The following ATP10B variants were observed in gnomAD, a reference collection of about 807,000 sequenced individuals.
ATP10B encodes phospholipid-transporting ATPase VB.
Under a neutral mutation model 141.2 loss-of-function variants are expected in ATP10B, and 122 were observed. That is an observed-to-expected ratio of 0.86 (90% CI 0.75 to 1.00). ATP10B has a LOEUF of 1.00. Among genes scored for constraint, ATP10B ranks in the 50% least tolerant of loss-of-function variants. The pLI is 0.00. For missense variants in ATP10B, 1,876 were observed against 1,825.3 expected, an observed-to-expected ratio of 1.03 and a Z score of -0.51; for synonymous variants, 685 against 692.0, an observed-to-expected ratio of 0.99 and a Z score of 0.16.
chr5:160,590,975 G>T, intron 23 of ATP10B, 84 bp downstream of exon 23: 2 of 1,163,170 alleles, frequency 1.7e-6, no homozygotes, highest in Middle Eastern at 1.9e-4. Context: ...TGTCCAGAAG[G>T]ACACTACTGG....
chr5:160,679,701 C>G (rs1036139458), intron 6 of ATP10B, among the ~76,000 whole-genome samples: 5 of 152,222 alleles, frequency 3.3e-5, no homozygotes, highest in Non-Finnish European at 7.3e-5. Flanking sequence ...AATGCACACA[C>G]TAAGTCTTGA....
At chr5:160,627,509 G>C (rs937429674) in intron 13 of ATP10B, among the ~76,000 whole-genome samples, 1 of 152,182 alleles carries the variant, frequency 6.6e-6, no homozygotes, top group African/African-American at 2.4e-5. Flanking sequence ...AGGCCCTTCT[G>C]TTTGTTGTTG....
intron 2 of ATP10B, among the ~76,000 whole-genome samples, chr5:160,775,354 G>A (rs1295273001): frequency 6.6e-6 from 1 of 152,210 alleles, no homozygotes; most frequent in African/African-American, 2.4e-5. Flanking sequence ...CCCACTGCCT[G>A]ATTTTAATTT....
upstream of ATP10B, among the ~76,000 whole-genome samples, chr5:160,856,565 C>T (rs1754003365): frequency 1.3e-5 from 2 of 151,696 alleles, no homozygotes; most frequent in Admixed American, 1.3e-4. Context: ...TGAGAGTGAA[C>T]ATCATTGTCT....
rs190700951 is a variant in ATP10B at position 160,832,194 on chromosome 5, A to T, written c.-576+19747T>A. ...TTTTAAAATAAGCCAACACCTTCAA[A>T]CTGGCAATTTTACCTTCAGGAAATC... On this transcript the variant is annotated intron_variant, in intron 1 of 25. Transcript: ENST00000327245. Among the ~76,000 whole-genome samples, 909 of 152,246 alleles carry T rather than the reference A, an allele frequency of 6.0e-3. 10 individuals carry two copies. The highest frequency in any genetic ancestry group is 0.021 in the African/African-American group (865 of 41,554).
intron 3 of ATP10B, among the ~76,000 whole-genome samples, chr5:160,691,499 T>C (rs1764075089): frequency 6.6e-6 from 1 of 152,216 alleles, no homozygotes; most frequent in African/African-American, 2.4e-5. Context: ...AGATACATTT[T>C]ATAAAGTTAG....
At chr5:160,843,900 G>T (rs1044969562) in intron 1 of ATP10B, among the ~76,000 whole-genome samples, 2 of 151,630 alleles carry the variant, frequency 1.3e-5, no homozygotes, top group African/African-American at 4.8e-5. Flanking sequence ...ATACTTTTCT[G>T]TAATTTATTT....
At chr5:160,872,425 T>G in the ATP10B span, among the ~76,000 whole-genome samples, 1 of 152,222 alleles carries the variant, frequency 6.6e-6, no homozygotes, top group Non-Finnish European at 1.5e-5. Context: ...TATTTGCTTT[T>G]GGGTTCTTGA....
rs1366663758 is a variant in ATP10B at position 160,563,719 on chromosome 5, G to A, written c.*1734C>T. On this transcript the variant is annotated 3_prime_UTR_variant, in exon 26 of 26. Transcript: ENST00000327245. ...CAAACTCAGATCTCCTGAGGCCACTGTTCTGTTCTTTCTGGCTTTTAGTAG... is the reference window on the plus strand; with the variant it reads ...CAAACTCAGATCTCCTGAGGCCACTATTCTGTTCTTTCTGGCTTTTAGTAG... The A allele has an allele frequency of 1.3e-5, 2 of 152,132 alleles. No individual in the cohort carries two copies. The highest frequency in any genetic ancestry group is 4.8e-5 in the African/African-American group (2 of 41,436). The allele number at this position is 152,132 out of a possible 1,614,324, so 9.4% of individuals were successfully genotyped here.
At chr5:160,723,809 G>T (rs533942261) in intron 2 of ATP10B, among the ~76,000 whole-genome samples, 7 of 152,152 alleles carry the variant, frequency 4.6e-5, no homozygotes, top group Non-Finnish European at 8.8e-5. Context: ...TGCCTCCTGA[G>T]TCTGTGCTTA....
chr5:160,715,765 G>C (rs1408425125), intron 3 of ATP10B, among the ~76,000 whole-genome samples: 6 of 151,630 alleles, frequency 4.0e-5, no homozygotes, highest in Non-Finnish European at 8.8e-5. Context: ...AGGCTGGAGT[G>C]CAGTGGTGTG....
Position 160,565,777 on chromosome 5 carries a change from CCT to C in ATP10B, c.4060_4061del (p.Arg1354AlafsTer32). ...LEIQSWRSRQ[R>X]PAPVPEVARP... ...GAGCCACTTCGGGGACAGGGGCAGG[CCT>C]CTGTCTGCTTCTCCAACTCTGGATT... On this transcript the variant is annotated frameshift_variant, in exon 26 of 26. Coordinates refer to ENST00000327245, the MANE Select transcript of ATP10B (RefSeq NM_025153.3). LOFTEE classifies it low-confidence loss of function (END_TRUNC). 6.2e-7 allele frequency: 1 copy of C among 1,614,062 alleles called. No homozygotes were observed.
At chr5:160,609,711 T>C (rs542239233) in intron 18 of ATP10B, among the ~76,000 whole-genome samples, 2 of 152,252 alleles carry the variant, frequency 1.3e-5, no homozygotes, top group Non-Finnish European at 2.9e-5. Context: ...AATAAAGACA[T>C]AGTTTATTAT....
At chr5:160,747,239 C>T (rs960424967) in intron 2 of ATP10B, among the ~76,000 whole-genome samples, 2 of 152,164 alleles carry the variant, frequency 1.3e-5, no homozygotes, top group African/African-American at 4.8e-5. Context: ...TGTTACCTGC[C>T]TGGCCTCTGC....
intron 6 of ATP10B, among the ~76,000 whole-genome samples, chr5:160,680,196 G>GAA (rs368021340): frequency 1.4e-5 from 2 of 142,304 alleles, no homozygotes; most frequent in African/African-American, 5.1e-5. Context: ...GCACAAAAAT[G>GAA]AAAAAAAAAA....
chr5:160,584,194 G>A (rs1242875937), intron 24 of ATP10B, among the ~76,000 whole-genome samples: 4 of 152,234 alleles, frequency 2.6e-5, no homozygotes, highest in Non-Finnish European at 5.9e-5. Context: ...CTCCTGGTCT[G>A]TGGATTGGGA....
At chr5:160,708,592 G>T (rs72818555) in intron 3 of ATP10B, among the ~76,000 whole-genome samples, 1 of 152,152 alleles carries the variant, frequency 6.6e-6, no homozygotes, top group Non-Finnish European at 1.5e-5. Context: ...GCAGTGTGGG[G>T]TGGGGCTCTG....
At chr5:160,918,947 C>T in the ATP10B span, among the ~76,000 whole-genome samples, 11 of 151,168 alleles carry the variant, frequency 7.3e-5, no homozygotes, top group African/African-American at 9.7e-5. Context: ...GGGAGTGGGC[C>T]GGGCGCGGTG....
At chr5:160,788,269 C>T (rs1771313451) in intron 1 of ATP10B, among the ~76,000 whole-genome samples, 1 of 152,156 alleles carries the variant, frequency 6.6e-6, no homozygotes, top group Non-Finnish European at 1.5e-5. Flanking sequence ...TGAATTGCTC[C>T]TCCTCCCCAC....
Sources: allele counts gnomAD v4.1 joint callset (sites outside exome capture counted in the v4.1 genomes callset), GRCh38; gene constraint gnomAD v4.1.1; transcripts MANE v1.5; gene names NCBI Gene and HGNC (gene_info 2026-07-23, HGNC 2026-07-21).